CDH12: variants seen among roughly 807,000 people sequenced by gnomAD.
CDH12 encodes cadherin-12.
A neutral mutation model predicts 74.1 loss-of-function variants in CDH12; 41 were observed. That is an observed-to-expected ratio of 0.55 (90% confidence interval 0.43 to 0.72). The LOEUF is 0.72. Ranked by LOEUF, CDH12 falls within the 30% of genes least tolerant of loss-of-function variation. The pLI, the probability that CDH12 is intolerant of heterozygous loss-of-function variation, is 0.00. For synonymous variants in CDH12, 399 were observed against 355.0 expected, an observed-to-expected ratio of 1.12 and a Z score of -1.39; for missense variants, 945 against 977.2, an observed-to-expected ratio of 0.97 and a Z score of 0.44.
chr5:22,067,292 C>T (rs563838994), intron 5 of CDH12, among the ~76,000 whole-genome samples: 13 of 152,134 alleles, frequency 8.5e-5, no homozygotes, highest in Non-Finnish European at 1.5e-4. Flanking sequence ...CCATCTACCT[C>T]GTTGAAATTT....
chr5:22,223,868 T>A (rs1752099058), intron 3 of CDH12, among the ~76,000 whole-genome samples: 1 of 151,890 alleles, frequency 6.6e-6, no homozygotes, highest in Non-Finnish European at 1.5e-5. Context: ...ATCAGGGCAA[T>A]TGAGCCACAA....
At chr5:21,777,648 A>T (rs865972326) in intron 11 of CDH12, among the ~76,000 whole-genome samples, 2 of 151,810 alleles carry the variant, frequency 1.3e-5, no homozygotes, top group Non-Finnish European at 2.9e-5. Flanking sequence ...CCGCCACAAT[A>T]TTCAGCTAAT....
intron 1 of CDH12, among the ~76,000 whole-genome samples, chr5:22,612,299 G>A (rs1043798316): frequency 6.6e-6 from 1 of 152,054 alleles, no homozygotes; most frequent in African/African-American, 2.4e-5. Context: ...CTTGTCTTAG[G>A]TAGTGTAAAC....
At chr5:22,697,034 C>G (rs1019222252) in intron 1 of CDH12, among the ~76,000 whole-genome samples, 1 of 152,046 alleles carries the variant, frequency 6.6e-6, no homozygotes, top group Admixed American at 6.6e-5. Context: ...AATCCTGGAC[C>G]ATAAGTTCTG....
chr5:22,535,255 C>T (rs1390387641), intron 1 of CDH12, among the ~76,000 whole-genome samples: 3 of 150,102 alleles, frequency 2.0e-5, no homozygotes, highest in Non-Finnish European at 3.0e-5. Flanking sequence ...CCCGGGTTCA[C>T]GCCATTCTCC....
chr5:22,494,697 G>A (rs1747030196), intron 2 of CDH12, among the ~76,000 whole-genome samples: 1 of 152,172 alleles, frequency 6.6e-6, no homozygotes, highest in Non-Finnish European at 1.5e-5. Context: ...GATGTTAAGT[G>A]AGGACTTACT....
intron 5 of CDH12, among the ~76,000 whole-genome samples, chr5:22,077,543 A>T (rs944194728): frequency 5.3e-5 from 8 of 152,156 alleles, no homozygotes; most frequent in Admixed American, 5.2e-4. Context: ...CTCCTCAAGC[A>T]TCAATTTTTC....
intron 3 of CDH12, among the ~76,000 whole-genome samples, chr5:22,312,467 C>T (rs1738436229): frequency 6.6e-6 from 1 of 151,930 alleles, no homozygotes; most frequent in African/African-American, 2.4e-5. Context: ...TTCATTTGTT[C>T]ATATAGTTTT....
In CDH12 at chr5:22,270,322, A is replaced by C. The variant is rs1326376417; in HGVS notation, c.-332-57679T>G. Among the ~76,000 whole-genome samples, 4 of 152,158 alleles carry C rather than the reference A, an allele frequency of 2.6e-5. No individual in the cohort carries two copies. In the East Asian group the frequency reaches 5.8e-4, roughly 22 times the overall value. Reference sequence around the variant, plus strand: ...TAAAAATATTTTATTTTGGCTGGACACAGTGGCTCACGGCTGTAATTCCAG... The same window carrying C: ...TAAAAATATTTTATTTTGGCTGGACCCAGTGGCTCACGGCTGTAATTCCAG... On this transcript the variant is annotated intron_variant, in intron 3 of 14. Transcript: ENST00000382254.
chr5:22,056,709 T>G (rs886344028), intron 5 of CDH12, among the ~76,000 whole-genome samples: 7 of 152,210 alleles, frequency 4.6e-5, no homozygotes, highest in African/African-American at 1.7e-4. Context: ...TTGAAGGTAG[T>G]ACAGCAACGT....
intron 6 of CDH12, among the ~76,000 whole-genome samples, chr5:21,919,382 A>AT (rs933554574): frequency 2.2e-4 from 33 of 151,256 alleles, no homozygotes; most frequent in Non-Finnish European, 4.4e-4. Flanking sequence ...TTGTAACCCT[A>AT]TTTTTTTTTC....
chr5:22,377,831 C>A (rs1007940534), intron 3 of CDH12, among the ~76,000 whole-genome samples: 1 of 152,120 alleles, frequency 6.6e-6, no homozygotes, highest in Non-Finnish European at 1.5e-5. Context: ...CTCACTGATG[C>A]ATCATTTAAT....
At chr5:22,547,116 T>C (rs1004803392) in intron 1 of CDH12, among the ~76,000 whole-genome samples, 2 of 152,096 alleles carry the variant, frequency 1.3e-5, no homozygotes, top group Admixed American at 6.6e-5. Flanking sequence ...CTAAAGAAAG[T>C]TCATCTCAGA....
intron 2 of CDH12, among the ~76,000 whole-genome samples, chr5:22,484,501 T>C (rs1195852141): frequency 6.6e-6 from 1 of 152,150 alleles, no homozygotes; most frequent in Non-Finnish European, 1.5e-5. Flanking sequence ...ATAATGAGAA[T>C]TGTGCAGCCA....
intron 13 of CDH12, among the ~76,000 whole-genome samples, chr5:21,756,911 C>T (rs575485295): frequency 2.1e-4 from 32 of 152,112 alleles, no homozygotes; most frequent in Admixed American, 5.9e-4. Context: ...AGCACCAAGA[C>T]GAGAAAACTT....
chr5:21,937,301 T>G (rs145767080), intron 6 of CDH12, among the ~76,000 whole-genome samples: 8 of 152,120 alleles, frequency 5.3e-5, no homozygotes, highest in Admixed American at 5.2e-4. Context: ...AGAAAGAGAA[T>G]AGTGTGATTA....
chr5:21,919,268 T>A (rs1158024871), intron 6 of CDH12, among the ~76,000 whole-genome samples: 1 of 152,204 alleles, frequency 6.6e-6, no homozygotes, highest in African/African-American at 2.4e-5. Context: ...CATTCAGTTC[T>A]CTCTTGTTAT....
chr5:21,953,692 T>C (rs1755969544), intron 6 of CDH12, among the ~76,000 whole-genome samples: 1 of 152,224 alleles, frequency 6.6e-6, no homozygotes, highest in Non-Finnish European at 1.5e-5. Context: ...TGTGGTGGCA[T>C]GGTTGAAAAA....
chr5:22,361,799 C>T (rs1158822395), intron 3 of CDH12, among the ~76,000 whole-genome samples: 4 of 151,944 alleles, frequency 2.6e-5, no homozygotes, highest in Non-Finnish European at 4.4e-5. Flanking sequence ...ATCTGATCTT[C>T]GACAAACTTG....
Sources: allele counts gnomAD v4.1 joint callset (sites outside exome capture counted in the v4.1 genomes callset), GRCh38; gene constraint gnomAD v4.1.1; transcripts MANE v1.5; gene names NCBI Gene and HGNC (gene_info 2026-07-23, HGNC 2026-07-21).